Variants in NCAPG2 observed in about 807,000 individuals in gnomAD.
The protein encoded by NCAPG2 is non-SMC condensin II complex subunit G2, also known as condensin-2 complex subunit G2.
Under a neutral mutation model 141.1 loss-of-function variants are expected in NCAPG2, and 53 were observed. The observed-to-expected ratio is 0.38, with a 90% CI of 0.30 to 0.47. NCAPG2 has a LOEUF of 0.47. Among genes scored for constraint, NCAPG2 ranks in the 20% least tolerant of loss-of-function variants. NCAPG2 has a pLI of 0.99. For synonymous variants in NCAPG2, 499 were observed against 490.7 expected, an observed-to-expected ratio of 1.02 and a Z score of -0.22; for missense variants, 1,087 against 1,389.0, an observed-to-expected ratio of 0.78 and a Z score of 3.46.
chr7:158,649,925 T>C (rs1011671903), intron 24 of NCAPG2, among the ~76,000 whole-genome samples: 1 of 152,270 alleles, frequency 6.6e-6, no homozygotes, highest in African/African-American at 2.4e-5. Flanking sequence ...ATCCTGATTA[T>C]AACATCCTTT....
intron 13 of NCAPG2, 47 bp downstream of exon 13, chr7:158,671,467 C>T: frequency 6.2e-7 from 1 of 1,604,204 alleles, no homozygotes; most frequent in Non-Finnish European, 8.5e-7. Context: ...TTGATGAACA[C>T]ATGTCCCTAT....
chr7:158,674,382 G>A (rs757794697), intron 12 of NCAPG2, among the ~76,000 whole-genome samples: 20 of 151,552 alleles, frequency 1.3e-4, no homozygotes, highest in South Asian at 8.3e-4. Flanking sequence ...TGCTTCCCAC[G>A]CTCAAGCCAT....
At chr7:158,667,536 GTGGCCCTCCA>G (rs1833179303) in intron 13 of NCAPG2, among the ~76,000 whole-genome samples, 1 of 23,290 alleles carries the variant, frequency 4.3e-5, no homozygotes, top group African/African-American at 2.6e-4. Flanking sequence ...TACCTACCCT[GTGGCCCTCCA>G]CCCGCTTACC....
At chr7:158,684,186 G>A (rs1388853231) in intron 8 of NCAPG2, among the ~76,000 whole-genome samples, 1 of 152,206 alleles carries the variant, frequency 6.6e-6, no homozygotes, top group Non-Finnish European at 1.5e-5. Flanking sequence ...ACCACACATT[G>A]TCTGACTTGC....
At chr7:158,677,524 G>GAAAAAAAAAAAAAAAAAAAAAAAAAAAA (rs1491491903) in intron 11 of NCAPG2, among the ~76,000 whole-genome samples, 1 of 5,080 alleles carries the variant, frequency 2.0e-4, no homozygotes, top group Non-Finnish European at 4.1e-4. Flanking sequence ...TAAAAATAAA[G>GAAAAAAAAAAAAAAAAAAAAAAAAAAAA]CAAAAAAAAA....
At chr7:158,644,238 G>A in intron 27 of NCAPG2, 51 bp downstream of exon 27, 2 of 1,449,352 alleles carry the variant, frequency 1.4e-6, no homozygotes, top group African/African-American at 1.4e-5. Flanking sequence ...CAGATCCAAA[G>A]AAGAATGAGC....
chr7:158,650,622 C>T (rs1831416012), intron 24 of NCAPG2, among the ~76,000 whole-genome samples: 1 of 152,102 alleles, frequency 6.6e-6, no homozygotes, highest in African/African-American at 2.4e-5. Flanking sequence ...GTGATAATAT[C>T]CTTGGTATAT....
chr7:158,702,588 C>G (rs572163027), intron 1 of NCAPG2, among the ~76,000 whole-genome samples: 5 of 152,188 alleles, frequency 3.3e-5, no homozygotes, highest in African/African-American at 1.2e-4. Context: ...GCTACTGGTG[C>G]CCTACTGAAA....
intron 12 of NCAPG2, among the ~76,000 whole-genome samples, chr7:158,672,282 G>GTATATATA (rs1563549087): frequency 9.5e-5 from 2 of 21,060 alleles, no homozygotes; most frequent in African/African-American, 4.2e-4. Context: ...AAACACATGT[G>GTATATATA]TGTGTGTGTG....
At position 158,675,513 on chromosome 7, in the gene NCAPG2, G is replaced by A; in HGVS notation, c.1290C>T (p.Asp430=). 3 of 1,611,858 alleles carry A rather than the reference G, an allele frequency of 1.9e-6. No individual in the cohort carries two copies. The highest frequency in any genetic ancestry group is 1.1e-5 in the South Asian group (1 of 90,260). The part of the protein sequence containing the change: ...LKKVTGELAF[D]TSSADVRCSV... ...AACAACGAACATCAGCTGAGCTCGT[G>A]TCAAATGCCAGTTCCCCAGTCACCT... is the stretch of plus-strand genomic sequence containing the variant. The change falls in exon 12 of 28, where the codon GAC becomes GAT. Residue 430 remains aspartate, a synonymous_variant. Coordinates refer to ENST00000356309, the MANE Select transcript of NCAPG2 (RefSeq NM_017760.7).
intron 27 of NCAPG2, among the ~76,000 whole-genome samples, chr7:158,635,675 G>A (rs1160855961): frequency 2.6e-5 from 4 of 151,944 alleles, no homozygotes; most frequent in African/African-American, 9.7e-5. Context: ...TATATCGGAT[G>A]AGGCAATTAA....
At position 158,654,784 on chromosome 7, in the gene NCAPG2, A is replaced by G. The variant is rs1011234376; in HGVS notation, c.2647-90T>C. The G allele has an allele frequency of 5.4e-6, 8 of 1,495,218 alleles. No homozygotes were observed. The South Asian group carries it at 1.1e-4, about 21-fold the overall frequency. 92.6% of individuals were successfully genotyped at this position (1,495,218 alleles called of 1,614,324 possible). A position where few individuals can be genotyped will look rare whatever the true frequency, so the allele number is the denominator to read the frequency against. On this transcript the variant is annotated intron_variant, in intron 21 of 27. Coordinates refer to ENST00000356309, the MANE Select transcript of NCAPG2 (RefSeq NM_017760.7). ...ACAAAGCTTCTCCTATCCATGTGCT[A>G]GTTATCTTATAAAGCAGATTTTTAT... is the stretch of plus-strand genomic sequence containing the variant.
intron 24 of NCAPG2, among the ~76,000 whole-genome samples, chr7:158,646,911 C>A (rs1273050455): frequency 6.6e-6 from 1 of 151,984 alleles, no homozygotes; most frequent in Non-Finnish European, 1.5e-5. Context: ...TACCTGTAGT[C>A]CCAGCTACTT....
intron 12 of NCAPG2, among the ~76,000 whole-genome samples, chr7:158,674,814 A>G (rs1165912453): frequency 6.6e-6 from 1 of 152,250 alleles, no homozygotes; most frequent in African/African-American, 2.4e-5. Context: ...AGTTCTTCTT[A>G]GGTCATCTCA....
intron 16 of NCAPG2, 126 bp downstream of exon 16, chr7:158,662,068 C>G (rs1832554732): frequency 1.1e-6 from 1 of 925,918 alleles, no homozygotes. Context: ...AAACACTAAT[C>G]CAACCCTCTC....
In NCAPG2 at chr7:158,655,356, T is replaced by C; in HGVS notation, c.2488A>G (p.Ile830Val). The C allele has an allele frequency of 1.2e-6, 2 of 1,614,148 alleles. No individual in the cohort carries two copies. Among genetic ancestry groups the C allele is most frequent in the Non-Finnish European group, 1.7e-6 (2 of 1,180,036 alleles). The part of the protein sequence containing the change: ...RAFGLHCRLS[I>V]HLQHKFCSEG... ...AGGCACACCTTGTGCTGAAGATGGA[T>C]GCTCAGGCGACAGTGGAGACCAAAG... The change falls in exon 20 of 28, where the codon ATC (isoleucine) becomes GTC (valine). Residue 830 changes from isoleucine (I) to valine (V), a missense_variant. Coordinates refer to ENST00000356309, the MANE Select transcript of NCAPG2 (RefSeq NM_017760.7).
intron 2 of NCAPG2, among the ~76,000 whole-genome samples, chr7:158,698,787 A>ATTTT (rs5888768): frequency 1.4e-4 from 20 of 143,240 alleles, no homozygotes; most frequent in African/African-American, 5.2e-4. Context: ...TAGTAGTAGT[A>ATTTT]TTTTTTTTTT....
Position 158,677,435 on chromosome 7 carries a change from C to T in NCAPG2, c.1147-1779G>A, listed in dbSNP as rs147024630. Among the ~76,000 whole-genome samples the T allele has an allele frequency of 4.6e-3, 687 of 148,670 alleles. 13 individuals are homozygous for T. Among genetic ancestry groups the T allele is most frequent in the East Asian group, 5.6e-3 (28 of 4,986 alleles). ...AACACCTGCTAACTACCTTACCAACCCAATCCTTTATCCAAACATAAGAAT... is the reference window on the plus strand; with the variant it reads ...AACACCTGCTAACTACCTTACCAACTCAATCCTTTATCCAAACATAAGAAT... On this transcript the variant is annotated intron_variant, in intron 11 of 27. Transcript: ENST00000356309.
intron 12 of NCAPG2, 124 bp from the exon 13 acceptor site, chr7:158,671,790 A>G: frequency 9.3e-7 from 1 of 1,072,322 alleles, no homozygotes; most frequent in East Asian, 2.6e-5. Flanking sequence ...TGAAATAAAT[A>G]TACCTATGGA....
Sources: allele counts gnomAD v4.1 joint callset (sites outside exome capture counted in the v4.1 genomes callset), GRCh38; gene constraint gnomAD v4.1.1; transcripts MANE v1.5; gene names NCBI Gene and HGNC (gene_info 2026-07-23, HGNC 2026-07-21).